Variants in YES1 observed in about 807,000 individuals in gnomAD.
YES1 encodes tyrosine-protein kinase Yes.
A neutral mutation model predicts 70.4 loss-of-function variants in YES1; 39 were observed. The observed-to-expected ratio is 0.55, with a 90% CI of 0.43 to 0.72. The LOEUF (loss-of-function observed/expected upper bound fraction) is 0.72. YES1 is among the 30% of genes least tolerant of loss of function. The pLI, the probability that YES1 is intolerant of heterozygous loss-of-function variation, is 0.00. For synonymous variants in YES1, 198 were observed against 218.6 expected, an observed-to-expected ratio of 0.91 and a Z score of 0.83; for missense variants, 495 against 644.8, an observed-to-expected ratio of 0.77 and a Z score of 2.52.
chr18:734,124 C>A (rs575713116), intron 10 of YES1, among the ~76,000 whole-genome samples: 1 of 151,518 alleles, frequency 6.6e-6, no homozygotes, highest in Admixed American at 6.6e-5. Flanking sequence ...ACCAAAAATA[C>A]AAAACTTAGC....
At chr18:764,119 CAAAA>C (rs138074397) in intron 1 of YES1, among the ~76,000 whole-genome samples, 2 of 140,518 alleles carry the variant, frequency 1.4e-5, no homozygotes, top group African/African-American at 2.7e-5. Context: ...GACTCCCTCT[CAAAA>C]AAAAAAAAAA....
At chr18:729,931 T>G (rs2080068899) in intron 11 of YES1, among the ~76,000 whole-genome samples, 3 of 152,146 alleles carry the variant, frequency 2.0e-5, no homozygotes, top group Admixed American at 6.5e-5. Flanking sequence ...AGCCAGATTT[T>G]GAACTCTTGA....
intron 1 of YES1, among the ~76,000 whole-genome samples, chr18:801,971 A>G (rs1373711896): frequency 6.6e-6 from 1 of 152,230 alleles, no homozygotes; most frequent in East Asian, 1.9e-4. Context: ...CAACTTACAA[A>G]AAGACAGCAT....
chr18:735,179 T>C (rs534080953), intron 10 of YES1, among the ~76,000 whole-genome samples: 2 of 92,004 alleles, frequency 2.2e-5, no homozygotes, highest in South Asian at 7.0e-4. Flanking sequence ...AAAAAATCAT[T>C]ATATGAAAAA....
intron 10 of YES1, 101 bp downstream of exon 10, chr18:736,707 G>C: frequency 7.0e-7 from 1 of 1,437,852 alleles, no homozygotes; most frequent in East Asian, 2.3e-5. Flanking sequence ...ACTCTTCTGA[G>C]GGAAGCTAAA....
At chr18:789,022 C>G (rs1906106496) in intron 1 of YES1, among the ~76,000 whole-genome samples, 1 of 152,094 alleles carries the variant, frequency 6.6e-6, no homozygotes, top group South Asian at 2.1e-4. Context: ...ATTATGGCCC[C>G]CATTTTATAA....
chr18:807,326 T>C (rs1295346380), intron 1 of YES1, among the ~76,000 whole-genome samples: 2 of 137,514 alleles, frequency 1.5e-5, no homozygotes, highest in Non-Finnish European at 3.2e-5. Context: ...AGAGTGATAC[T>C]TCATCAAAAA....
At chr18:726,633 A>G (rs796191935) in intron 11 of YES1, among the ~76,000 whole-genome samples, 13 of 147,140 alleles carry the variant, frequency 8.8e-5, no homozygotes, top group African/African-American at 3.3e-4. Flanking sequence ...TATAAAAACT[A>G]ACTGGGCATG....
In YES1 at chr18:722,886, A is replaced by T. The variant is rs750535040; in HGVS notation, c.*1538T>A. On this transcript the variant is annotated 3_prime_UTR_variant, in exon 12 of 12. Coordinates refer to ENST00000314574, the MANE Select transcript of YES1 (RefSeq NM_005433.4). ...GGCGGGCAGATCACAAGGTCAGGAG[A>T]TCGAGACTATCCTGGCTAACACGGT... The T allele has an allele frequency of 2.0e-5, 3 of 152,170 alleles. No homozygotes were observed. The highest frequency in any genetic ancestry group is 6.5e-5 in the Admixed American group (1 of 15,272). The allele number at this position is 152,170 out of a possible 1,614,324, so 9.4% of individuals were successfully genotyped here.
intron 9 of YES1, 118 bp downstream of exon 9, chr18:739,616 TA>T: frequency 2.5e-6 from 2 of 813,468 alleles, no homozygotes; most frequent in Non-Finnish European, 3.6e-6. Context: ...CTCTAAAAAA[TA>T]AAAAATAAAA....
intron 11 of YES1, among the ~76,000 whole-genome samples, chr18:731,681 T>A (rs1303562260): frequency 6.6e-6 from 1 of 152,088 alleles, no homozygotes; most frequent in Non-Finnish European, 1.5e-5. Flanking sequence ...ATCTCTTAAT[T>A]TTGAGGCCAG....
intron 1 of YES1, among the ~76,000 whole-genome samples, chr18:763,432 T>C (rs7227222): frequency 0.45 from 68,652 of 151,834 alleles, 15,851 homozygotes; most frequent in African/African-American, 0.55. Flanking sequence ...TGGCGGCTCA[T>C]GTCTGTAATC....
At chr18:758,654 A>G (rs1904415562) in intron 1 of YES1, among the ~76,000 whole-genome samples, 1 of 152,162 alleles carries the variant, frequency 6.6e-6, no homozygotes, top group Non-Finnish European at 1.5e-5. Context: ...AATCAGTAAA[A>G]TATCTTTTCT....
At chr18:803,540 G>C (rs1238740046) in intron 1 of YES1, among the ~76,000 whole-genome samples, 1 of 152,078 alleles carries the variant, frequency 6.6e-6, no homozygotes, top group Non-Finnish European at 1.5e-5. Flanking sequence ...ACCTCATACT[G>C]TCCTATAGGG....
chr18:733,982 T>G (rs2080122047), intron 10 of YES1, among the ~76,000 whole-genome samples: 1 of 152,052 alleles, frequency 6.6e-6, no homozygotes, highest in South Asian at 2.1e-4. Context: ...ATGTTTTATT[T>G]AAAAAGTGGC....
intron 1 of YES1, among the ~76,000 whole-genome samples, chr18:781,195 G>A (rs1241334917): frequency 6.6e-6 from 1 of 151,326 alleles, no homozygotes; most frequent in Non-Finnish European, 1.5e-5. Flanking sequence ...CTTGAACCTG[G>A]GAGATGGAGG....
In YES1 at chr18:745,735, G is replaced by A. The variant is rs781189252; in HGVS notation, c.697C>T (p.Leu233=). 6 of 1,610,502 alleles carry A rather than the reference G, an allele frequency of 3.7e-6. No homozygotes were observed. The East Asian group carries it at 1.1e-4, about 30-fold the overall frequency. The part of the protein sequence containing the change: ...YITTRAQFDT[L]QKLVKHYTEH... Reference sequence around the variant, plus strand: ...GTGTAGTGTTTCACCAATTTCTGCAGAGTATCAAATTGTGCTCTGGTTGTG... The same window carrying A: ...GTGTAGTGTTTCACCAATTTCTGCAAAGTATCAAATTGTGCTCTGGTTGTG... Residue 233 remains leucine (L), a synonymous_variant, in exon 6 of 12, where the codon CTG becomes TTG. Coordinates refer to ENST00000314574, the MANE Select transcript of YES1 (RefSeq NM_005433.4).
At chr18:810,009 G>A (rs1907291960) in intron 1 of YES1, among the ~76,000 whole-genome samples, 1 of 142,076 alleles carries the variant, frequency 7.0e-6, no homozygotes, top group Middle Eastern at 3.7e-3. Flanking sequence ...TTCCTTGCAG[G>A]TTTTTTTTTT....
intron 1 of YES1, among the ~76,000 whole-genome samples, chr18:792,324 A>C (rs539753474): frequency 6.6e-6 from 1 of 152,152 alleles, no homozygotes; most frequent in South Asian, 2.1e-4. Flanking sequence ...CAAACAAATA[A>C]ATAAAGAAGT....
Sources: gnomAD v4.1 joint callset for allele counts (sites outside exome capture counted in the v4.1 genomes callset) on GRCh38, gnomAD v4.1.1 for gene constraint, MANE v1.5 for transcripts, NCBI Gene and HGNC (gene_info 2026-07-23, HGNC 2026-07-21) for gene names.